The following MYO1C variants were observed in gnomAD, a reference collection of about 807,000 sequenced individuals.
MYO1C encodes unconventional myosin-Ic.
In MYO1C, 104 loss-of-function variants were observed where a neutral mutation model predicts 150.8. The observed-to-expected ratio is 0.69, with a 90% CI of 0.59 to 0.81. The LOEUF is 0.81. Among genes scored for constraint, MYO1C ranks in the 30% least tolerant of loss-of-function variants. MYO1C has a pLI of 0.00. For synonymous variants in MYO1C, 663 were observed against 579.9 expected, an observed-to-expected ratio of 1.14 and a Z score of -2.06; for missense variants, 1,504 against 1,435.0, an observed-to-expected ratio of 1.05 and a Z score of -0.78.
Position 1,477,831 on chromosome 17 carries a change from A to G in MYO1C, c.1482+60T>C, listed in dbSNP as rs946835783. 1.2e-5 allele frequency: 18 copies of G among 1,471,256 alleles called. No homozygotes were observed. The Admixed American group carries it at 2.7e-4, about 22-fold the overall frequency. The allele number at this position is 1,471,256 out of a possible 1,614,324, so 91.1% of individuals were successfully genotyped here. ...GTGGACCAGCCTGGAGAGAACGGAGAAGGGGGACATCCTCCCACCCAGCCT... is the reference window on the plus strand; with the variant it reads ...GTGGACCAGCCTGGAGAGAACGGAGGAGGGGGACATCCTCCCACCCAGCCT... On this transcript the variant is annotated intron_variant, in intron 13 of 31. Transcript: ENST00000648651.
intron 1 of MYO1C, chr17:1,491,903 G>C (rs925329727): frequency 6.4e-6 from 1 of 156,026 alleles, no homozygotes; most frequent in Non-Finnish European, 1.4e-5. Context: ...GCGTGGGGGC[G>C]CCCGACTTTC....
At chr17:1,485,656 C>T (rs1406014086) in intron 1 of MYO1C, 18 of 1,206,504 alleles carry the variant, frequency 1.5e-5, no homozygotes, top group Non-Finnish European at 1.8e-5. Flanking sequence ...GAGGGACGCC[C>T]GGGACCCCCC....
intron 14 of MYO1C, among the ~76,000 whole-genome samples, chr17:1,476,478 A>G (rs1397098687): frequency 6.6e-6 from 1 of 152,070 alleles, no homozygotes; most frequent in Non-Finnish European, 1.5e-5. Flanking sequence ...CCCATCCAGA[A>G]ACAAATTTTC....
At chr17:1,469,446 GC>G in intron 25 of MYO1C, 84 bp downstream of exon 25, 1 of 720,932 alleles carries the variant, frequency 1.4e-6, no homozygotes, top group Non-Finnish European at 2.0e-6. Context: ...CGGGGTAAAT[GC>G]CCCTCCAGGC....
In MYO1C at chr17:1,482,871, G is replaced by A. The variant is rs201150924; in HGVS notation, c.536C>T (p.Pro179Leu). ...AVRDRLLQSNPVLEAFGNAKT... is the reference protein window; with the variant it reads ...AVRDRLLQSNLVLEAFGNAKT... ...CTCCCTGCCCCTCACCTCCAGCACC[G>A]GGTTGCTCTGTAGCAGCCGGTCCCG... Residue 179 changes from proline (P) to leucine (L), a missense_variant, in exon 4 of 32, where the codon CCG becomes CTG. Physicochemically the swap from Pro to Leu is moderately conservative, Grantham distance 98. Transcript: ENST00000648651. 195 of 1,608,578 alleles carry A rather than the reference G, an allele frequency of 1.2e-4. No individual in the cohort carries two copies. Among genetic ancestry groups the A allele is most frequent in the Non-Finnish European group, 1.5e-4 (171 of 1,178,654 alleles).
At chr17:1,482,086 G>T (rs548028820) in intron 5 of MYO1C, among the ~76,000 whole-genome samples, 2 of 152,046 alleles carry the variant, frequency 1.3e-5, no homozygotes, top group Non-Finnish European at 2.9e-5. Context: ...TCACTCCGTA[G>T]CCCAAGCTGG....
chr17:1,478,086 C>A lies in MYO1C; in HGVS notation c.1401+1G>T. 1.2e-6 allele frequency: 2 copies of A among 1,614,076 alleles called. No individual in the cohort carries two copies. Among genetic ancestry groups the A allele is most frequent in the Non-Finnish European group, 1.7e-6 (2 of 1,180,038 alleles). ...GAGAGTGCCCCCAGGCTAGCACACA[C>A]CGCGATGCCCTCTGCCTCGTACTCC... On this transcript the variant is annotated splice_donor_variant, in intron 12 of 31. Coordinates refer to ENST00000648651, the MANE Select transcript of MYO1C (RefSeq NM_001080779.2). LOFTEE classifies it high-confidence loss of function. The surrounding 1 kb of genome is among the most constrained non-coding windows in gnomAD (Gnocchi z 6.3).
Position 1,468,277 on chromosome 17 carries a change from C to T in MYO1C, c.2736G>A (p.Gln912=). The T allele has an allele frequency of 1.2e-6, 2 of 1,613,874 alleles. No individual in the cohort carries two copies. Among genetic ancestry groups the T allele is most frequent in the South Asian group, 1.1e-5 (1 of 91,078 alleles). ...GTDEISPRVL[Q]ALGSEPIQYA... is the part of the protein sequence containing the mutation. ...CCTGAATGGGCTCAGAGCCCAAGGC[C>T]TGCAGCACTCGGGGGCTGATCTCAT... Residue 912 remains glutamine, a synonymous_variant, in exon 27 of 32, where the codon CAG becomes CAA. Coordinates refer to ENST00000648651, the MANE Select transcript of MYO1C (RefSeq NM_001080779.2).
Position 1,478,454 on chromosome 17 carries a change from G to A in MYO1C, c.1251C>T (p.Leu417=), listed in dbSNP as rs753935367. Residue 417 remains leucine (L), a synonymous_variant, in exon 11 of 32, where the codon CTC becomes CTT. Transcript: ENST00000648651. This position sits in a 1 kb window ranked among gnomAD's most constrained non-coding sequence, Gnocchi z 6.3. ...CAAAGCCATAAATATCCAGGAGCCC[G>A]AGAACCGTGGTGCTCCGCCAGCTGG... The part of the protein sequence containing the change: ...ESPSWRSTTV[L]GLLDIYGFEV... 32 of 1,614,208 alleles carry A rather than the reference G, an allele frequency of 2.0e-5. No homozygotes were observed. The African/African-American group carries it at 2.0e-4, about 10-fold the overall frequency.
intron 1 of MYO1C, among the ~76,000 whole-genome samples, chr17:1,488,144 C>T (rs1021635459): frequency 1.3e-5 from 2 of 151,866 alleles, no homozygotes; most frequent in Admixed American, 1.3e-4. Context: ...GCTTCGCGGC[C>T]GCAGTGTCCG....
Position 1,479,011 on chromosome 17 carries a change from A to G in MYO1C, c.1093-276T>C, listed in dbSNP as rs943587098. ...CTTCCTATGTGACCCTGGCCAGCTC[A>G]CTGTGCTGCTTCTTTTTTTTGAGAC... On this transcript the variant is annotated intron_variant, in intron 9 of 31. Transcript: ENST00000648651. This position sits in a 1 kb window ranked among gnomAD's most constrained non-coding sequence, Gnocchi z 4.2. Among the ~76,000 whole-genome samples the G allele has an allele frequency of 1.3e-5, 2 of 152,054 alleles. No individual in the cohort carries two copies. The highest frequency in any genetic ancestry group is 2.9e-5 in the Non-Finnish European group (2 of 67,992).
At chr17:1,484,953 G>T (rs879518554) in intron 1 of MYO1C, 185 of 473,122 alleles carry the variant, frequency 3.9e-4, no homozygotes, top group Non-Finnish European at 6.6e-4. Context: ...CACCAGAGGG[G>T]TTCCCCCAGA....
intron 31 of MYO1C, 86 bp from the exon 32 acceptor site, chr17:1,465,838 T>G: frequency 9.5e-7 from 1 of 1,052,948 alleles, no homozygotes; most frequent in Non-Finnish European, 1.3e-6. Flanking sequence ...TCCTTGTTTT[T>G]TCCTTTTTAT....
At chr17:1,482,336 C>A (rs2074539972) in intron 5 of MYO1C, 142 bp downstream of exon 5, 1 of 782,130 alleles carries the variant, frequency 1.3e-6, no homozygotes, top group East Asian at 2.7e-5. Flanking sequence ...TATTGTTTAT[C>A]ACCCTGGAAG....
Position 1,472,810 on chromosome 17 carries a change from G to A in MYO1C, c.1798-582C>T, listed in dbSNP as rs549041036. Among the ~76,000 whole-genome samples, 5 of 152,264 alleles carry A rather than the reference G, an allele frequency of 3.3e-5. 1 individual carries two copies. The South Asian group carries it at 1.0e-3, about 32-fold the overall frequency. ...TGAGCTTTAAAGGATAAGGAGGAGG[G>A]GCGGGTGAAGTGGCTACAGGGAAGG... On this transcript the variant is annotated intron_variant, in intron 17 of 31. Transcript: ENST00000648651.
In MYO1C at chr17:1,464,427, G is replaced by C. The variant is rs1232421145; in HGVS notation, c.*1299C>G. ...AGAAAAGGCCCTACATCCTTGAGTGGGGCCCGAGTGTGCGGGCAAGCTGTC... is the reference window on the plus strand; with the variant it reads ...AGAAAAGGCCCTACATCCTTGAGTGCGGCCCGAGTGTGCGGGCAAGCTGTC... On this transcript the variant is annotated 3_prime_UTR_variant, in exon 32 of 32. Coordinates refer to ENST00000648651, the MANE Select transcript of MYO1C (RefSeq NM_001080779.2). 3 of 152,688 alleles carry C rather than the reference G, an allele frequency of 2.0e-5. No homozygotes were observed. Among genetic ancestry groups the C allele is most frequent in the Non-Finnish European group, 4.4e-5 (3 of 68,102 alleles). The allele number at this position is 152,688 out of a possible 1,614,324, so 9.5% of individuals were successfully genotyped here. A position where few individuals can be genotyped will look rare whatever the true frequency, so the allele number is the denominator to read the frequency against.
rs1218152153 is a variant in MYO1C, at chr17:1,478,068, C to T, written c.1401+19G>A. On this transcript the variant is annotated intron_variant, in intron 12 of 31. Coordinates refer to ENST00000648651, the MANE Select transcript of MYO1C (RefSeq NM_001080779.2). This position sits in a 1 kb window ranked among gnomAD's most constrained non-coding sequence, Gnocchi z 6.3. Reference sequence around the variant, plus strand: ...GGCTCCCCGTGGCCCACGGAGAGTGCCCCCAGGCTAGCACACACCGCGATG... The same window carrying T: ...GGCTCCCCGTGGCCCACGGAGAGTGTCCCCAGGCTAGCACACACCGCGATG... 9 of 1,613,012 alleles carry T rather than the reference C, an allele frequency of 5.6e-6. No individual in the cohort carries two copies. In the South Asian group the frequency reaches 8.8e-5, roughly 16 times the overall value.
In MYO1C at chr17:1,492,404, C is replaced by T; in HGVS notation, c.75+9G>A. 6.3e-7 allele frequency: 1 copy of T among 1,599,442 alleles called. No individual in the cohort carries two copies. Among genetic ancestry groups the T allele is most frequent in the Non-Finnish European group, 8.5e-7 (1 of 1,173,404 alleles). Reference sequence around the variant, plus strand: ...CACCCTCCTCCCAGCCCAGAGCATCCCAGCTTACAAGCTTGCAGGGCCTGT... The same window carrying T: ...CACCCTCCTCCCAGCCCAGAGCATCTCAGCTTACAAGCTTGCAGGGCCTGT... On this transcript the variant is annotated intron_variant, in intron 1 of 31. Coordinates refer to ENST00000648651, the MANE Select transcript of MYO1C (RefSeq NM_001080779.2).
chr17:1,485,618 CGAGGCCGAGGCGACGCCGCGAGGTGGG>C, intron 1 of MYO1C: 2 of 1,081,380 alleles, frequency 1.8e-6, no homozygotes, highest in Non-Finnish European at 2.3e-6. Flanking sequence ...CGCTTCCTGG[CGAGGCCGAGGCGACGCCGCGAGGTGGG>C]GAGGGACGCC....
Sources: allele counts gnomAD v4.1 joint callset (sites outside exome capture counted in the v4.1 genomes callset), GRCh38; gene constraint gnomAD v4.1.1; non-coding constraint Gnocchi (gnomAD v3.1); transcripts MANE v1.5; gene names NCBI Gene and HGNC (gene_info 2026-07-23, HGNC 2026-07-21).